The following NTNG1 variants were observed in gnomAD, a reference collection of about 807,000 sequenced individuals.
NTNG1 encodes netrin G1.
In NTNG1, 16 loss-of-function variants were observed where a neutral mutation model predicts 54.0. That is an observed-to-expected ratio of 0.30 (90% CI 0.20 to 0.45). The LOEUF is 0.45. Ranked by LOEUF, NTNG1 falls within the 20% of genes least tolerant of loss-of-function variation. The probability of loss-of-function intolerance (pLI) is 1.00; values close to 1 mark genes in which losing one functional copy is unlikely to be tolerated. For synonymous variants in NTNG1, 255 were observed against 263.1 expected (o/e 0.97, Z 0.30); for missense variants, 530 against 678.7 (o/e 0.78, Z 2.43).
At chr1:107,234,482 G>A (rs1661275056) in intron 2 of NTNG1, among the ~76,000 whole-genome samples, 1 of 151,626 alleles carries the variant, frequency 6.6e-6, no homozygotes, top group African/African-American at 2.4e-5. Context: ...CATGCTTATT[G>A]AGTGCTTACT....
At chr1:107,216,852 T>A (rs1659998016) in intron 2 of NTNG1, among the ~76,000 whole-genome samples, 1 of 152,152 alleles carries the variant, frequency 6.6e-6, no homozygotes, top group Non-Finnish European at 1.5e-5. Context: ...TTAATTTTTG[T>A]ATTTTTAGTA....
At chr1:107,321,330 T>C (rs545420095) in intron 2 of NTNG1, among the ~76,000 whole-genome samples, 1 of 152,148 alleles carries the variant, frequency 6.6e-6, no homozygotes, top group South Asian at 2.1e-4. Flanking sequence ...TTACTCTCAT[T>C]TTTTTAGGTG....
intron 7 of NTNG1, among the ~76,000 whole-genome samples, chr1:107,454,334 C>A (rs1349679653): frequency 6.6e-6 from 1 of 152,176 alleles, no homozygotes; most frequent in African/African-American, 2.4e-5. Context: ...TGCACCCATG[C>A]ATACTTTGCA....
intron 2 of NTNG1, among the ~76,000 whole-genome samples, chr1:107,250,159 C>G (rs1443394123): frequency 6.6e-6 from 1 of 152,160 alleles, no homozygotes; most frequent in Non-Finnish European, 1.5e-5. Flanking sequence ...AGATTTAATT[C>G]ACTGATTATT....
chr1:107,236,702 T>C (rs1197207536), intron 2 of NTNG1, among the ~76,000 whole-genome samples: 5 of 152,164 alleles, frequency 3.3e-5, no homozygotes, highest in South Asian at 2.1e-4. Context: ...CTTCTCATGA[T>C]AGTGAATGAG....
intron 4 of NTNG1, among the ~76,000 whole-genome samples, chr1:107,406,075 A>G (rs980859185): frequency 6.6e-6 from 1 of 152,188 alleles, no homozygotes; most frequent in Non-Finnish European, 1.5e-5. Flanking sequence ...AATTCTGAGC[A>G]TTTAAAATCA....
At chr1:107,359,819 G>GA (rs80162142) in intron 3 of NTNG1, among the ~76,000 whole-genome samples, 14,591 of 151,348 alleles carry the variant, frequency 0.096, 872 homozygotes, top group Admixed American at 0.18. Context: ...GTGATAAGAT[G>GA]AAAAAAAAGG....
At chr1:107,298,234 T>G (rs1666099992) in intron 2 of NTNG1, among the ~76,000 whole-genome samples, 1 of 152,188 alleles carries the variant, frequency 6.6e-6, no homozygotes, top group Non-Finnish European at 1.5e-5. Flanking sequence ...GTCAGGGTAA[T>G]GACACCAACT....
chr1:107,212,358 G>C (rs1185162478), intron 2 of NTNG1, among the ~76,000 whole-genome samples: 1 of 152,044 alleles, frequency 6.6e-6, no homozygotes, highest in Non-Finnish European at 1.5e-5. Flanking sequence ...ATCTGATCTT[G>C]AATCCTCATA....
chr1:107,153,067 T>C (rs1297795126), intron 2 of NTNG1, among the ~76,000 whole-genome samples: 1 of 152,210 alleles, frequency 6.6e-6, no homozygotes, highest in Non-Finnish European at 1.5e-5. Flanking sequence ...AGACTTCTAT[T>C]ATGAAAGAAA....
intron 2 of NTNG1, among the ~76,000 whole-genome samples, chr1:107,204,040 AT>A (rs910963706): frequency 3.3e-5 from 5 of 151,312 alleles, no homozygotes; most frequent in African/African-American, 9.7e-5. Flanking sequence ...ATATGGTTCT[AT>A]TTTTTTTCCA....
intron 3 of NTNG1, among the ~76,000 whole-genome samples, chr1:107,377,724 A>G (rs1358887401): frequency 6.6e-6 from 1 of 152,230 alleles, no homozygotes; most frequent in Non-Finnish European, 1.5e-5. Context: ...TACCAAGGAC[A>G]AGTCAGCATT....
chr1:107,141,539 C>G (rs920143155), intron 1 of NTNG1: 5 of 152,206 alleles, frequency 3.3e-5, no homozygotes, highest in African/African-American at 1.2e-4. Flanking sequence ...TCCCCACCCC[C>G]CGCCGCCCCC....
chr1:107,192,824 A>G (rs563385109), intron 2 of NTNG1, among the ~76,000 whole-genome samples: 1 of 152,046 alleles, frequency 6.6e-6, no homozygotes, highest in Non-Finnish European at 1.5e-5. Context: ...ATTTTAATTC[A>G]GCTGGTTCAC....
chr1:107,202,174 CA>C (rs932731011), intron 2 of NTNG1, among the ~76,000 whole-genome samples: 3 of 151,148 alleles, frequency 2.0e-5, no homozygotes, highest in Admixed American at 6.6e-5. Flanking sequence ...AACTGGACTT[CA>C]AAAAAAATCC....
chr1:107,215,059 AT>A (rs563211435), intron 2 of NTNG1, among the ~76,000 whole-genome samples: 3 of 151,266 alleles, frequency 2.0e-5, no homozygotes, highest in South Asian at 4.2e-4. Flanking sequence ...AATTGTGAAG[AT>A]TTTCTCCCAC....
At chr1:107,377,565 C>G (rs1671372174) in intron 3 of NTNG1, among the ~76,000 whole-genome samples, 1 of 152,278 alleles carries the variant, frequency 6.6e-6, no homozygotes, top group Non-Finnish European at 1.5e-5. Flanking sequence ...AAATTCAGTC[C>G]TGGTTGTGTG....
intron 2 of NTNG1, among the ~76,000 whole-genome samples, chr1:107,180,298 T>C (rs1281516046): frequency 6.6e-6 from 1 of 152,174 alleles, no homozygotes; most frequent in Non-Finnish European, 1.5e-5. Flanking sequence ...TTATTTGTGC[T>C]CCTTCTCAGT....
At chr1:107,146,186 G>A (rs943206309) in intron 1 of NTNG1, among the ~76,000 whole-genome samples, 6 of 151,990 alleles carry the variant, frequency 3.9e-5, no homozygotes, top group Non-Finnish European at 5.9e-5. Context: ...AGTCAATTCC[G>A]GGTCTTCAAG....
Sources: allele counts gnomAD v4.1 joint callset (sites outside exome capture counted in the v4.1 genomes callset), GRCh38; gene constraint gnomAD v4.1.1; transcripts MANE v1.5; gene names NCBI Gene and HGNC (gene_info 2026-07-23, HGNC 2026-07-21).